FRMD4B: variants seen among roughly 807,000 people sequenced by gnomAD.
The protein encoded by FRMD4B is FERM domain-containing protein 4B.
In FRMD4B, 74 loss-of-function variants were observed where a neutral mutation model predicts 141.5. The ratio of observed to expected loss-of-function variants is 0.52; its 90% CI spans 0.43 to 0.63. The LOEUF is 0.63. Among genes scored for constraint, FRMD4B ranks in the 30% least tolerant of loss-of-function variants. The pLI is 0.00. For synonymous variants in FRMD4B, 506 were observed against 467.9 expected (o/e 1.08, Z -1.05); for missense variants, 1,366 against 1,253.4 (o/e 1.09, Z -1.36).
chr3:69,364,221 A>C (rs566534418), intron 1 of FRMD4B, among the ~76,000 whole-genome samples: 1 of 152,348 alleles, frequency 6.6e-6, no homozygotes, highest in Admixed American at 6.5e-5. Flanking sequence ...CACCTCAGTT[A>C]CTGCCTTGAT....
chr3:69,266,601 C>T (rs1489806479), intron 5 of FRMD4B, among the ~76,000 whole-genome samples: 1 of 152,154 alleles, frequency 6.6e-6, no homozygotes, highest in Non-Finnish European at 1.5e-5. Flanking sequence ...GCTGGGATTA[C>T]AGGCATGAGC....
chr3:69,468,555 T>C (rs1705832102), intron 1 of FRMD4B, among the ~76,000 whole-genome samples: 1 of 152,156 alleles, frequency 6.6e-6, no homozygotes, highest in African/African-American at 2.4e-5. Flanking sequence ...TGTTGAAACA[T>C]GAAAGGGACA....
At chr3:69,343,961 C>T (rs539497498) in intron 1 of FRMD4B, among the ~76,000 whole-genome samples, 2 of 152,182 alleles carry the variant, frequency 1.3e-5, no homozygotes, top group Admixed American at 1.3e-4. Flanking sequence ...TTATATTCCC[C>T]AACTGGTAAT....
intron 1 of FRMD4B, among the ~76,000 whole-genome samples, chr3:69,372,431 G>T (rs1166643537): frequency 6.6e-6 from 1 of 152,254 alleles, no homozygotes; most frequent in Non-Finnish European, 1.5e-5. Context: ...TTGGGAGGCT[G>T]AAGTGGGCGG....
intron 1 of FRMD4B, among the ~76,000 whole-genome samples, chr3:69,320,210 C>T (rs1373838507): frequency 6.6e-6 from 1 of 152,082 alleles, no homozygotes; most frequent in Non-Finnish European, 1.5e-5. Context: ...ACTTTTTCCC[C>T]AACGTGTCAA....
At chr3:69,272,476 T>C (rs1241457596) in intron 5 of FRMD4B, among the ~76,000 whole-genome samples, 1 of 152,202 alleles carries the variant, frequency 6.6e-6, no homozygotes, top group Non-Finnish European at 1.5e-5. Context: ...CAAGTCTTAA[T>C]ACAGAATTTA....
At chr3:69,348,275 T>C (rs1233467265) in intron 1 of FRMD4B, among the ~76,000 whole-genome samples, 1 of 152,036 alleles carries the variant, frequency 6.6e-6, no homozygotes, top group Non-Finnish European at 1.5e-5. Context: ...CTCCCAAGAA[T>C]AAACCTGGAA....
intron 1 of FRMD4B, among the ~76,000 whole-genome samples, chr3:69,517,539 A>T (rs971278775): frequency 1.1e-4 from 17 of 152,314 alleles, no homozygotes; most frequent in Admixed American, 1.0e-3. Flanking sequence ...CATCCTTAAG[A>T]TATTGACCTT....
intron 1 of FRMD4B, among the ~76,000 whole-genome samples, chr3:69,480,052 G>C (rs1010353943): frequency 3.9e-4 from 60 of 152,130 alleles, no homozygotes; most frequent in Non-Finnish European, 6.9e-4. Context: ...TGGCTTTCAG[G>C]TCCATCAGCT....
intron 1 of FRMD4B, among the ~76,000 whole-genome samples, chr3:69,496,522 G>C (rs1453804445): frequency 6.6e-6 from 1 of 151,652 alleles, no homozygotes; most frequent in Non-Finnish European, 1.5e-5. Context: ...AGACGTACAA[G>C]ACTATAAGCC....
intron 3 of FRMD4B, among the ~76,000 whole-genome samples, chr3:69,304,131 G>A (rs186297937): frequency 3.5e-5 from 5 of 141,710 alleles, no homozygotes; most frequent in East Asian, 2.1e-4. Flanking sequence ...AGCTATGATT[G>A]TGCTACTGCA....
chr3:69,180,918 A>C lies in FRMD4B; in HGVS notation c.2832T>G (p.Arg944=), dbSNP rs144393195. The stretch of plus-strand genomic sequence containing the variant: ...TCTCACCTGAAGAGTACGAGGATGC[A>C]CGACTGCTTGGAGAACAAGGTACTT... The part of the protein sequence containing the change: ...GLQVPCSPSS[R]ASSYSSVSST... Residue 944 remains arginine, a synonymous_variant, in exon 21 of 23, where the codon CGT becomes CGG. Coordinates refer to ENST00000398540, the MANE Select transcript of FRMD4B (RefSeq NM_015123.3). 131 of 1,607,942 alleles carry C rather than the reference A, an allele frequency of 8.1e-5. No individual in the cohort carries two copies. Among genetic ancestry groups the C allele is most frequent in the Non-Finnish European group, 1.0e-4 (123 of 1,175,182 alleles).
chr3:69,362,506 C>T (rs1263440852), intron 1 of FRMD4B, among the ~76,000 whole-genome samples: 1 of 152,158 alleles, frequency 6.6e-6, no homozygotes, highest in Non-Finnish European at 1.5e-5. Flanking sequence ...GGTAACACCC[C>T]ATCTCTACTA....
intron 11 of FRMD4B, among the ~76,000 whole-genome samples, chr3:69,212,500 A>G (rs181592376): frequency 4.6e-5 from 7 of 152,248 alleles, no homozygotes; most frequent in Admixed American, 4.6e-4. Context: ...AAATCCAAAA[A>G]AGGAAGTAGC....
intron 3 of FRMD4B, among the ~76,000 whole-genome samples, chr3:69,306,094 T>A (rs1460426649): frequency 6.6e-6 from 1 of 152,204 alleles, no homozygotes; most frequent in Non-Finnish European, 1.5e-5. Context: ...CAAATTAGAT[T>A]TTAAAAAATC....
At chr3:69,372,526 G>C (rs773357273) in intron 1 of FRMD4B, among the ~76,000 whole-genome samples, 1 of 152,164 alleles carries the variant, frequency 6.6e-6, no homozygotes, top group Non-Finnish European at 1.5e-5. Context: ...TTAGCTGGGC[G>C]TGGTGGCACG....
intron 5 of FRMD4B, among the ~76,000 whole-genome samples, chr3:69,270,691 G>A (rs946914902): frequency 3.3e-5 from 5 of 150,730 alleles, no homozygotes; most frequent in Admixed American, 1.3e-4. Context: ...TCAGCCTCCC[G>A]AGTAGCTGGG....
At chr3:69,377,757 T>G (rs892409209) in intron 1 of FRMD4B, among the ~76,000 whole-genome samples, 2 of 152,180 alleles carry the variant, frequency 1.3e-5, no homozygotes, top group Non-Finnish European at 2.9e-5. Flanking sequence ...GCTGCAGTTT[T>G]TGTTGAGCCT....
Position 69,498,823 on chromosome 3 carries a change from T to C in FRMD4B, c.-129+43383A>G, listed in dbSNP as rs555963851. 2.0e-5 allele frequency among the ~76,000 whole-genome samples: 3 copies of C among 152,316 alleles called. No homozygotes were observed. In the South Asian group the frequency reaches 6.2e-4, roughly 32 times the overall value. On this transcript the variant is annotated intron_variant, in intron 1 of 5. Coordinates refer to the FRMD4B transcript ENST00000459638. Reference sequence around the variant, plus strand: ...AGCTTATATTTATACCCAGGACTTATTCCTTCAATGAGTATTTATCGAATA... The same window carrying C: ...AGCTTATATTTATACCCAGGACTTACTCCTTCAATGAGTATTTATCGAATA...
Sources: allele counts gnomAD v4.1 joint callset (sites outside exome capture counted in the v4.1 genomes callset), GRCh38; gene constraint gnomAD v4.1.1; transcripts MANE v1.5; gene names NCBI Gene and HGNC (gene_info 2026-07-23, HGNC 2026-07-21).